The following SSBP4 variants were observed in gnomAD, a reference collection of about 807,000 sequenced individuals.
SSBP4 encodes single stranded DNA binding protein 4.
In SSBP4, 33 loss-of-function variants were observed where a neutral mutation model predicts 64.6. The ratio of observed to expected loss-of-function variants is 0.51; its 90% CI spans 0.39 to 0.68. SSBP4 has a LOEUF of 0.68. Ranked by LOEUF, SSBP4 falls within the 30% of genes least tolerant of loss-of-function variation. The probability of loss-of-function intolerance (pLI) is 0.00; values close to 1 mark genes in which losing one functional copy is unlikely to be tolerated. For missense variants in SSBP4, 583 were observed against 566.8 expected, an observed-to-expected ratio of 1.03 and a Z score of -0.29; for synonymous variants, 243 against 224.0, an observed-to-expected ratio of 1.08 and a Z score of -0.76.
chr19:18,431,021 G>C lies in SSBP4; in HGVS notation c.369+91G>C, dbSNP rs749590721. 1.1e-3 allele frequency: 1,539 copies of C among 1,446,226 alleles called. 2 individuals carry two copies. The highest frequency in any genetic ancestry group is 1.3e-3 in the Non-Finnish European group (1,389 of 1,060,670). 89.6% of individuals were successfully genotyped at this position (1,446,226 alleles called of 1,614,324 possible). A position where few individuals can be genotyped will look rare whatever the true frequency, so the allele number is the denominator to read the frequency against. ...GGTCCCACGTGGGCAGAGGTCATGA[G>C]GCCGGCAGGCTGGAGTTGGGTGGGA... is the stretch of plus-strand genomic sequence containing the variant. On this transcript the variant is annotated intron_variant, in intron 5 of 17. Coordinates refer to ENST00000270061, the MANE Select transcript of SSBP4 (RefSeq NM_032627.5).
chr19:18,408,699 G>A, the SSBP4 span, among the ~76,000 whole-genome samples: 1 of 152,160 alleles, frequency 6.6e-6, no homozygotes, highest in African/African-American at 2.4e-5. Flanking sequence ...TGCCATGTTG[G>A]CCAGGCTGGT....
At chr19:18,433,884 G>A (rs1184421125) in intron 17 of SSBP4, 67 bp downstream of exon 17, 19 of 1,287,022 alleles carry the variant, frequency 1.5e-5, no homozygotes, top group Non-Finnish European at 1.9e-5. Flanking sequence ...GGCAGGCCCC[G>A]GCGGGGCGGC....
At chr19:18,415,784 T>C (rs1972127189), upstream of SSBP4, among the ~76,000 whole-genome samples, 1 of 152,088 alleles carries the variant, frequency 6.6e-6, no homozygotes, top group Non-Finnish European at 1.5e-5. Context: ...GAGGGTACAG[T>C]CGGCCCCTTC....
chr19:18,412,217 C>T, the SSBP4 span, among the ~76,000 whole-genome samples: 467 of 151,756 alleles, frequency 3.1e-3, 3 homozygotes, highest in African/African-American at 9.8e-3. Flanking sequence ...AATCCCAGCA[C>T]TTTGGGAGGC....
At chr19:18,414,880 G>A (rs1052170054), upstream of SSBP4, among the ~76,000 whole-genome samples, 3 of 152,188 alleles carry the variant, frequency 2.0e-5, no homozygotes, top group Admixed American at 1.3e-4. Flanking sequence ...CCAGGGCACA[G>A]CTAGGTTCAA....
chr19:18,431,896 TCAATCAGAATTCCAGCTCTCAGAGCC>T lies in SSBP4; in HGVS notation c.565+37_565+62del, dbSNP rs755664563. On this transcript the variant is annotated intron_variant, in intron 8 of 17. Transcript: ENST00000270061. ...GGAAGCTCCAGCCCCTATCCCGCCATCAATCAGAATTCCAGCTCTCAGAGCCCAGACCTTGCTGCCTCCCCACTGTC... is the reference window on the plus strand; with the variant it reads ...GGAAGCTCCAGCCCCTATCCCGCCATCAGACCTTGCTGCCTCCCCACTGTC... 3.8e-6 allele frequency: 6 copies of T among 1,565,350 alleles called. No individual in the cohort carries two copies. The South Asian group carries it at 4.6e-5, about 12-fold the overall frequency.
chr19:18,432,302 T>G (rs1973471270), intron 10 of SSBP4, 88 bp downstream of exon 10: 2 of 1,522,484 alleles, frequency 1.3e-6, no homozygotes, highest in Non-Finnish European at 9.0e-7. Context: ...TCCTGAATCC[T>G]CAGGACAGCC....
chr19:18,412,358 G>C, the SSBP4 span, among the ~76,000 whole-genome samples: 1 of 151,268 alleles, frequency 6.6e-6, no homozygotes, highest in African/African-American at 2.4e-5. Context: ...CTACTCGGGA[G>C]GCTGAGGCAG....
chr19:18,413,410 C>A, the SSBP4 span, among the ~76,000 whole-genome samples: 1 of 152,110 alleles, frequency 6.6e-6, no homozygotes, highest in Non-Finnish European at 1.5e-5. Context: ...AATGGGGTTT[C>A]ACCATGTTGG....
the SSBP4 span, among the ~76,000 whole-genome samples, chr19:18,410,072 C>T: frequency 4.6e-5 from 7 of 152,332 alleles, no homozygotes; most frequent in Admixed American, 1.3e-4. Context: ...CGGCTCACTG[C>T]AAGCTCCGCC....
In SSBP4 at chr19:18,434,515, AG is replaced by A. The variant is rs1158644955; in HGVS notation, c.*274del. 4.9e-6 allele frequency: 3 copies of A among 607,852 alleles called. No homozygotes were observed. The highest frequency in any genetic ancestry group is 1.9e-5 in the African/African-American group (1 of 53,038). 37.7% of individuals were successfully genotyped at this position (607,852 alleles called of 1,614,324 possible). A position where few individuals can be genotyped will look rare whatever the true frequency, so the allele number is the denominator to read the frequency against. On this transcript the variant is annotated 3_prime_UTR_variant, in exon 18 of 18. Coordinates refer to ENST00000270061, the MANE Select transcript of SSBP4 (RefSeq NM_032627.5). ...GGGGGGCCCCTCTCCCCAGGACGTC[AG>A]GGGGTGGGGCCCATAAATAAATGGA...
intron 15 of SSBP4, 173 bp from the exon 16 acceptor site, chr19:18,433,412 C>A: frequency 7.6e-7 from 1 of 1,310,094 alleles, no homozygotes; most frequent in Non-Finnish European, 1.1e-6. Flanking sequence ...ACTGACCGCC[C>A]CTCCCCCCCA....
Position 18,434,237 on chromosome 19 carries a change from G to C in SSBP4, c.1149G>C (p.Met383Ile). 1 of 1,611,838 alleles carries C rather than the reference G, an allele frequency of 6.2e-7. No homozygotes were observed. The highest frequency in any genetic ancestry group is 8.5e-7 in the Non-Finnish European group (1 of 1,179,550). The change falls in exon 18 of 18, where the codon ATG (methionine) becomes ATC (isoleucine). Residue 383 changes from methionine to isoleucine, a missense_variant. Met to Ile is a conservative substitution (Grantham distance 10, BLOSUM62 1). Transcript: ENST00000270061. ...PSESYSPGMT[M>I]SV is the part of the protein sequence containing the mutation. The stretch of plus-strand genomic sequence containing the variant: ...CGCAGTACTCGCCAGGGATGACCAT[G>C]AGCGTGTGATGGGGCGGCAGCCCCG...
At chr19:18,419,129 G>A, upstream of SSBP4, 1 of 985,528 alleles carries the variant, frequency 1.0e-6, no homozygotes, top group Non-Finnish European at 1.2e-6. Flanking sequence ...ACAACAATGT[G>A]GGTGGCCGGC....
chr19:18,410,059 T>A, the SSBP4 span, among the ~76,000 whole-genome samples: 1 of 152,210 alleles, frequency 6.6e-6, no homozygotes, highest in Non-Finnish European at 1.5e-5. Context: ...AGTGGCACGA[T>A]CTCGGCTCAC....
chr19:18,407,590 C>G, the SSBP4 span, among the ~76,000 whole-genome samples: 1 of 151,032 alleles, frequency 6.6e-6, no homozygotes, highest in African/African-American at 2.4e-5. Flanking sequence ...CGCCACCACG[C>G]CCGGTTAATT....
the SSBP4 span, among the ~76,000 whole-genome samples, chr19:18,410,055 A>G: frequency 0.45 from 68,996 of 151,998 alleles, 18,215 homozygotes; most frequent in African/African-American, 0.74. Flanking sequence ...GTGCAGTGGC[A>G]CGATCTCGGC....
the SSBP4 span, among the ~76,000 whole-genome samples, chr19:18,405,540 G>A: frequency 1.2e-4 from 18 of 151,368 alleles, no homozygotes; most frequent in African/African-American, 3.9e-4. Flanking sequence ...GTCTCTGTCC[G>A]ACACCCATGC....
chr19:18,406,510 T>C, the SSBP4 span, among the ~76,000 whole-genome samples: 18 of 151,872 alleles, frequency 1.2e-4, no homozygotes, highest in Non-Finnish European at 2.2e-4. Context: ...TAGCCAGGCC[T>C]GGTGGTGTGC....
Sources: allele counts gnomAD v4.1 joint callset (sites outside exome capture counted in the v4.1 genomes callset), GRCh38; gene constraint gnomAD v4.1.1; transcripts MANE v1.5; gene names NCBI Gene and HGNC (gene_info 2026-07-23, HGNC 2026-07-21).